Variants in DCC observed in about 807,000 individuals in gnomAD.
DCC encodes the protein netrin receptor DCC.
Under a neutral mutation model 172.5 loss-of-function variants are expected in DCC, and 58 were observed. That is an observed-to-expected ratio of 0.34 (90% CI 0.27 to 0.42). DCC has a LOEUF of 0.42. Ranked by LOEUF, DCC falls within the 10% of genes least tolerant of loss-of-function variation. The pLI is 1.00. For synonymous variants in DCC, 709 were observed against 644.5 expected (o/e 1.10, Z -1.52); for missense variants, 1,740 against 1,791.0 (o/e 0.97, Z 0.51).
chr18:53,205,840 G>C (rs2055617844), intron 10 of DCC, among the ~76,000 whole-genome samples: 1 of 151,912 alleles, frequency 6.6e-6, no homozygotes, highest in African/African-American at 2.4e-5. Flanking sequence ...AACTTACTCT[G>C]AGAAGCCTAG....
In DCC at chr18:53,278,364, G is replaced by T. The variant is rs377458832; in HGVS notation, c.1912-27214G>T. ...TGTAGGGTAACATTGACACAGCAAG[G>T]TTTTTGTGTGTGGTTTCTAGATGTG... On this transcript the variant is annotated intron_variant, in intron 12 of 28. Transcript: ENST00000442544. Among the ~76,000 whole-genome samples, 132 of 152,198 alleles carry T rather than the reference G, an allele frequency of 8.7e-4. 1 individual carries two copies. The highest frequency in any genetic ancestry group is 2.8e-3 in the African/African-American group (118 of 41,522).
rs1555656859 is a variant in DCC at position 53,351,405 on chromosome 18, A to ATATATATATACAGTATATATATATAGTG, written c.2359+11508_2359+11509insCAGTATATATATATAGTGTATATATATA. 1.0e-3 allele frequency among the ~76,000 whole-genome samples: 12 copies of ATATATATATACAGTATATATATATAGTG among 12,008 alleles called. 1 individual carries two copies. The highest frequency in any genetic ancestry group is 2.1e-3 in the African/African-American group (11 of 5,282). 7.9% of individuals were successfully genotyped at this position (12,008 alleles called of 152,430 possible). The stretch of plus-strand genomic sequence containing the variant: ...TACAGTATATATATATACAGTGTAT[A>ATATATATATACAGTATATATATATAGTG]TATATATATATACACACTGTGTATA... On this transcript the variant is annotated intron_variant, in intron 15 of 28. Transcript: ENST00000442544.
At chr18:52,994,964 C>G (rs1425995929) in intron 5 of DCC, among the ~76,000 whole-genome samples, 1 of 152,110 alleles carries the variant, frequency 6.6e-6, no homozygotes, top group African/African-American at 2.4e-5. Context: ...ACTAACTTCT[C>G]TAACAAACAT....
chr18:53,108,085 A>G (rs2043276644), intron 7 of DCC, among the ~76,000 whole-genome samples: 1 of 151,830 alleles, frequency 6.6e-6, no homozygotes, highest in African/African-American at 2.4e-5. Context: ...GCCAGTTTAT[A>G]TCAGTGGCTT....
chr18:52,359,600 T>A (rs1984530134), intron 1 of DCC, among the ~76,000 whole-genome samples: 1 of 152,158 alleles, frequency 6.6e-6, no homozygotes, highest in Non-Finnish European at 1.5e-5. Flanking sequence ...GAAATTGAAG[T>A]AGCCATCCTG....
chr18:53,240,608 C>T (rs950768703), intron 12 of DCC, among the ~76,000 whole-genome samples: 13 of 152,060 alleles, frequency 8.5e-5, no homozygotes, highest in African/African-American at 1.7e-4. Flanking sequence ...CTTTTTATAG[C>T]TAATTAACAA....
chr18:53,367,198 CTTAA>C (rs1209009043), intron 15 of DCC, among the ~76,000 whole-genome samples: 4 of 152,008 alleles, frequency 2.6e-5, no homozygotes, highest in African/African-American at 9.7e-5. Flanking sequence ...ATCTTCCCCA[CTTAA>C]TTATTTTTAT....
At chr18:52,695,664 A>G (rs982654439) in intron 1 of DCC, among the ~76,000 whole-genome samples, 6 of 152,214 alleles carry the variant, frequency 3.9e-5, no homozygotes, top group East Asian at 1.9e-4. Flanking sequence ...CTGGCATTCA[A>G]TGGTAGCCCT....
At chr18:52,760,078 A>G (rs927843191) in intron 2 of DCC, among the ~76,000 whole-genome samples, 2 of 152,198 alleles carry the variant, frequency 1.3e-5, no homozygotes, top group African/African-American at 4.8e-5. Context: ...GCTATAAAGA[A>G]CTGCCCAAGA....
chr18:53,389,576 A>T (rs184596787), intron 16 of DCC, among the ~76,000 whole-genome samples: 35 of 152,296 alleles, frequency 2.3e-4, no homozygotes, highest in Admixed American at 2.2e-3. Context: ...TTGTACTAGC[A>T]CAGCTCTGGA....
chr18:52,640,523 A>G (rs1250402517), intron 1 of DCC, among the ~76,000 whole-genome samples: 2 of 152,204 alleles, frequency 1.3e-5, no homozygotes, highest in African/African-American at 4.8e-5. Flanking sequence ...TTCCAGATGT[A>G]AGATTAATGT....
At chr18:52,943,920 CT>C (rs751238231) in intron 5 of DCC, among the ~76,000 whole-genome samples, 2 of 151,954 alleles carry the variant, frequency 1.3e-5, no homozygotes, top group Non-Finnish European at 2.9e-5. Context: ...CGGCTAACGA[CT>C]TTTTTTCTGT....
rs535096297 is a variant in DCC at position 53,528,561 on chromosome 18, T to C, written c.4254+1802T>C. 5.3e-4 allele frequency among the ~76,000 whole-genome samples: 80 copies of C among 152,182 alleles called. 1 individual carries two copies. Among genetic ancestry groups the C allele is most frequent in the African/African-American group, 1.9e-3 (80 of 41,536 alleles). On this transcript the variant is annotated intron_variant, in intron 28 of 28. Coordinates refer to ENST00000442544, the MANE Select transcript of DCC (RefSeq NM_005215.4). Reference sequence around the variant, plus strand: ...GCAGCCAAATTAAAATATTAAACTTTATTAATATTAAAAGCAGTAAGAAAC... The same window carrying C: ...GCAGCCAAATTAAAATATTAAACTTCATTAATATTAAAAGCAGTAAGAAAC...
At chr18:53,382,104 A>ACACACC (rs770734401) in intron 15 of DCC, among the ~76,000 whole-genome samples, 17 of 52,830 alleles carry the variant, frequency 3.2e-4, no homozygotes, top group East Asian at 7.0e-4. Context: ...ACACACACAC[A>ACACACC]CCCCTACCTC....
chr18:53,309,981 T>C (rs1382045901), intron 13 of DCC, among the ~76,000 whole-genome samples: 1 of 148,380 alleles, frequency 6.7e-6, no homozygotes, highest in African/African-American at 2.5e-5. Flanking sequence ...TATATATATA[T>C]ACTCTTTCTA....
intron 1 of DCC, among the ~76,000 whole-genome samples, chr18:52,356,325 T>A: frequency 6.6e-6 from 1 of 152,164 alleles, no homozygotes; most frequent in African/African-American, 2.4e-5. Context: ...TGCTGGAAAT[T>A]AATGTTTTCA....
At chr18:53,127,354 C>A (rs773456730) in intron 7 of DCC, among the ~76,000 whole-genome samples, 3 of 151,792 alleles carry the variant, frequency 2.0e-5, no homozygotes, top group East Asian at 3.9e-4. Flanking sequence ...ATAGAGCTTC[C>A]GATTCCCTCA....
chr18:53,399,578 G>A (rs1909173376), intron 18 of DCC, among the ~76,000 whole-genome samples: 1 of 152,072 alleles, frequency 6.6e-6, no homozygotes, highest in African/African-American at 2.4e-5. Flanking sequence ...ACTTAATAAA[G>A]AAATGGAAGT....
At chr18:52,971,760 C>A (rs953851076) in intron 5 of DCC, among the ~76,000 whole-genome samples, 3 of 152,144 alleles carry the variant, frequency 2.0e-5, no homozygotes, top group African/African-American at 7.2e-5. Flanking sequence ...CTTGTGAAAA[C>A]CTCCTAAGGC....
Sources: gnomAD v4.1 joint callset for allele counts (sites outside exome capture counted in the v4.1 genomes callset) on GRCh38, gnomAD v4.1.1 for gene constraint, MANE v1.5 for transcripts, NCBI Gene and HGNC (gene_info 2026-07-23, HGNC 2026-07-21) for gene names.